Variants in EBF4 observed in about 807,000 individuals in gnomAD.
EBF4 encodes the protein EBF transcription factor 4.
A neutral mutation model predicts 67.1 loss-of-function variants in EBF4; 34 were observed. The observed-to-expected ratio is 0.51, with a 90% CI of 0.39 to 0.67. The LOEUF is 0.67. Ranked by LOEUF, EBF4 falls within the 30% of genes least tolerant of loss-of-function variation. The pLI, the probability that EBF4 is intolerant of heterozygous loss-of-function variation, is 0.00. For missense variants in EBF4, 837 were observed against 873.3 expected (o/e 0.96, Z 0.52); for synonymous variants, 387 against 377.7 (o/e 1.02, Z -0.29).
chr20:2,704,271 A>G (rs2087419243), intron 1 of EBF4, among the ~76,000 whole-genome samples: 1 of 152,058 alleles, frequency 6.6e-6, no homozygotes, highest in African/African-American at 2.4e-5. Context: ...CAACTCAAGC[A>G]GGGTACATTC....
chr20:2,697,890 G>A (rs1419841752), intron 1 of EBF4, among the ~76,000 whole-genome samples: 2 of 152,250 alleles, frequency 1.3e-5, no homozygotes, highest in Non-Finnish European at 2.9e-5. Context: ...ACCTCCCCCT[G>A]GAGCTGATCC....
At chr20:2,730,492 G>GT (rs1485048512) in intron 6 of EBF4, among the ~76,000 whole-genome samples, 11 of 152,188 alleles carry the variant, frequency 7.2e-5, no homozygotes, top group Non-Finnish European at 1.5e-4. Context: ...AATAAAGTCA[G>GT]TTTCACAGGT....
intron 1 of EBF4, among the ~76,000 whole-genome samples, chr20:2,699,049 G>A (rs1340225957): frequency 6.6e-6 from 1 of 152,154 alleles, no homozygotes; most frequent in Non-Finnish European, 1.5e-5. Flanking sequence ...TGTGAGGGGG[G>A]CTTTGTCTGT....
chr20:2,755,769 C>T lies in EBF4; in HGVS notation c.1683C>T (p.Arg561=), dbSNP rs1283027417. ...GGAGCGCCTTCGCCCCCGTGCTGCGCCCCCCAAGCTCCCCACCCCAGGCCT... is the reference window on the plus strand; with the variant it reads ...GGAGCGCCTTCGCCCCCGTGCTGCGTCCCCCAAGCTCCCCACCCCAGGCCT... The change falls in exon 15 of 17, where the codon CGC becomes CGT. Residue 561 remains arginine, a synonymous_variant. Coordinates refer to ENST00000609451, the Ensembl canonical transcript of EBF4. This position sits in a 1 kb window ranked among gnomAD's most constrained non-coding sequence, Gnocchi z 4.7. 1.3e-6 allele frequency: 2 copies of T among 1,550,250 alleles called. No individual in the cohort carries two copies. The highest frequency in any genetic ancestry group is 8.7e-7 in the Non-Finnish European group (1 of 1,146,910).
chr20:2,751,698 A>T lies in EBF4; in HGVS notation c.1019-2A>T. The T allele has an allele frequency of 1.9e-6, 3 of 1,550,608 alleles. No homozygotes were observed. The highest frequency in any genetic ancestry group is 2.6e-6 in the Non-Finnish European group (3 of 1,146,756). On this transcript the variant is annotated splice_acceptor_variant, in intron 10 of 16. Transcript: ENST00000609451. LOFTEE classifies it high-confidence loss of function. This position sits in a 1 kb window ranked among gnomAD's most constrained non-coding sequence, Gnocchi z 5.2. ...TCCTCCAAACGCCGCCCCCTTCCCC[A>T]GCTCTGAACGAGCCCACCATTGACT...
chr20:2,744,090 T>A (rs1162002165), intron 6 of EBF4, among the ~76,000 whole-genome samples: 3 of 151,574 alleles, frequency 2.0e-5, no homozygotes, highest in East Asian at 1.9e-4. Flanking sequence ...TTTTATTTTT[T>A]TTTTTTTGAG....
Position 2,755,662 on chromosome 20 carries a change from T to G in EBF4, c.1576T>G (p.Ser526Ala). ...TAGCCCCCCGCTGGCGGCTGCCTCC[T>G]CCATGTCCCTCCCGGCCGCTGCCCC... The change falls in exon 15 of 17, where the codon TCC becomes GCC. Residue 526 changes from serine (S) to alanine (A), a missense_variant. Physicochemically the swap from Ser to Ala is moderately conservative, Grantham distance 99. Transcript: ENST00000609451. This position sits in a 1 kb window ranked among gnomAD's most constrained non-coding sequence, Gnocchi z 4.7. The G allele has an allele frequency of 7.8e-7, 1 of 1,287,242 alleles. No homozygotes were observed. Among genetic ancestry groups the G allele is most frequent in the Non-Finnish European group, 1.0e-6 (1 of 988,174 alleles). The allele number at this position is 1,287,242 out of a possible 1,614,324, so 79.7% of individuals were successfully genotyped here. A position where few individuals can be genotyped will look rare whatever the true frequency, so the allele number is the denominator to read the frequency against.
intron 6 of EBF4, among the ~76,000 whole-genome samples, chr20:2,726,294 T>C (rs1317479679): frequency 6.6e-6 from 1 of 152,120 alleles, no homozygotes; most frequent in African/African-American, 2.4e-5. Context: ...CCCAGCACTT[T>C]GGGAGGGCAA....
chr20:2,720,070 G>C (rs2087659984), intron 6 of EBF4, among the ~76,000 whole-genome samples: 1 of 152,056 alleles, frequency 6.6e-6, no homozygotes, highest in Non-Finnish European at 1.5e-5. Context: ...TTCATTGTTA[G>C]GTACATGGAT....
Position 2,757,899 on chromosome 20 carries a change from A to G in EBF4, c.1739-1010A>G, listed in dbSNP as rs1475823064. The stretch of plus-strand genomic sequence containing the variant: ...GAGGTCAAGGCTGCAGTAAGCTGAG[A>G]TTGCACCATTGCACTCCAGTCTGTC... On this transcript the variant is annotated intron_variant, in intron 15 of 16. Coordinates refer to ENST00000609451, the Ensembl canonical transcript of EBF4. 2.6e-5 allele frequency among the ~76,000 whole-genome samples: 4 copies of G among 152,212 alleles called. No individual in the cohort carries two copies. In the South Asian group the frequency reaches 8.3e-4, roughly 32 times the overall value.
At chr20:2,743,059 C>T (rs7266171) in intron 6 of EBF4, among the ~76,000 whole-genome samples, 31 of 152,164 alleles carry the variant, frequency 2.0e-4, no homozygotes, top group African/African-American at 7.5e-4. Context: ...TCACTCTCCC[C>T]CAGTCCCCAG....
At chr20:2,754,763 G>A (rs796257996) in intron 14 of EBF4, among the ~76,000 whole-genome samples, 5 of 152,272 alleles carry the variant, frequency 3.3e-5, no homozygotes, top group African/African-American at 7.2e-5. Context: ...GGGATCCAGC[G>A]ATGCCCCAGG....
At chr20:2,749,346 C>T in intron 7 of EBF4, 55 bp from the exon 8 acceptor site, 1 of 1,380,134 alleles carries the variant, frequency 7.2e-7, no homozygotes, top group African/African-American at 1.5e-5. Context: ...CACCACATTC[C>T]CCTCCCGGGA....
At chr20:2,743,666 A>T (rs1181847338) in intron 6 of EBF4, among the ~76,000 whole-genome samples, 1 of 152,170 alleles carries the variant, frequency 6.6e-6, no homozygotes, top group Non-Finnish European at 1.5e-5. Context: ...TACTGGAATA[A>T]GATGGCCAAA....
chr20:2,736,496 A>C (rs1453141580), intron 6 of EBF4, among the ~76,000 whole-genome samples: 1 of 152,178 alleles, frequency 6.6e-6, no homozygotes, highest in Non-Finnish European at 1.5e-5. Context: ...GTTTTCCTCT[A>C]CAGCCACAAA....
chr20:2,705,985 G>A (rs188438092), exon 3 of EBF4: 86 of 1,551,476 alleles, frequency 5.5e-5, no homozygotes, highest in East Asian at 2.2e-4. Context: ...AGCCCGGGGC[G>A]GAAAAGACTA....
intron 6 of EBF4, among the ~76,000 whole-genome samples, chr20:2,721,629 A>G (rs537608845): frequency 6.6e-6 from 1 of 151,810 alleles, no homozygotes; most frequent in East Asian, 1.9e-4. Flanking sequence ...TAATTTTTGT[A>G]TTTTTAGTAG....
intron 6 of EBF4, among the ~76,000 whole-genome samples, chr20:2,743,630 G>A (rs1248678284): frequency 1.3e-5 from 2 of 152,064 alleles, no homozygotes; most frequent in African/African-American, 4.8e-5. Flanking sequence ...GGGGAGGGAG[G>A]GAGAGGCAAG....
chr20:2,701,540 TG>T (rs2087375401), intron 1 of EBF4, among the ~76,000 whole-genome samples: 1 of 152,162 alleles, frequency 6.6e-6, no homozygotes, highest in Non-Finnish European at 1.5e-5. Flanking sequence ...GATATTTGGG[TG>T]GGACAGGAAG....
Sources: allele counts gnomAD v4.1 joint callset (sites outside exome capture counted in the v4.1 genomes callset), GRCh38; gene constraint gnomAD v4.1.1; non-coding constraint Gnocchi (gnomAD v3.1); transcripts MANE v1.5; gene names NCBI Gene and HGNC (gene_info 2026-07-23, HGNC 2026-07-21).